FOXN4: variants seen among roughly 807,000 people sequenced by gnomAD.
The protein encoded by FOXN4 is forkhead box N4.
FOXN4 carries 12 observed loss-of-function variants against 45.0 expected under a neutral mutation model. The ratio of observed to expected loss-of-function variants is 0.27; its 90% CI spans 0.17 to 0.43. FOXN4 has a LOEUF of 0.43. Among genes scored for constraint, FOXN4 ranks in the 20% least tolerant of loss-of-function variants. FOXN4 has a pLI of 1.00. For synonymous variants in FOXN4, 297 were observed against 295.0 expected, an observed-to-expected ratio of 1.01 and a Z score of -0.07; for missense variants, 560 against 694.9, an observed-to-expected ratio of 0.81 and a Z score of 2.18.
At position 109,287,004 on chromosome 12, in the gene FOXN4, C is replaced by T; in HGVS notation, c.597-260G>A. 1.1e-6 allele frequency: 1 copy of T among 916,678 alleles called. No individual in the cohort carries two copies. Among genetic ancestry groups the T allele is most frequent in the Non-Finnish European group, 1.6e-6 (1 of 644,350 alleles). 56.8% of individuals were successfully genotyped at this position (916,678 alleles called of 1,614,324 possible). Reference sequence around the variant, plus strand: ...CCCTTTCCCCTCTTTATTGCATCCCCATAATTTTAATGGCTATGAGCCTTC... The same window carrying T: ...CCCTTTCCCCTCTTTATTGCATCCCTATAATTTTAATGGCTATGAGCCTTC... On this transcript the variant is annotated intron_variant, in intron 6 of 9. Transcript: ENST00000299162. The surrounding 1 kb of genome is among the most constrained non-coding windows in gnomAD (Gnocchi z 4.1).
At chr12:109,304,302 GA>G (rs2047901803) in intron 2 of FOXN4, among the ~76,000 whole-genome samples, 1 of 146,924 alleles carries the variant, frequency 6.8e-6, no homozygotes, top group Non-Finnish European at 1.5e-5. Context: ...AAAGGAGAAA[GA>G]AAGAAGGAAA....
chr12:109,284,554 C>A (rs936047528), intron 8 of FOXN4, among the ~76,000 whole-genome samples: 1 of 146,450 alleles, frequency 6.8e-6, no homozygotes, highest in African/African-American at 2.5e-5. Flanking sequence ...CTTGTGTGTG[C>A]GCACGTGTGT....
In FOXN4 at chr12:109,290,684, T is replaced by C. The variant is rs904321382; in HGVS notation, c.87-398A>G. ...AGGCACAGTTGGAGCTCACCTACTA[T>C]GGGACACTACAGCACAGAGCACTCA... On this transcript the variant is annotated intron_variant, in intron 2 of 9. Coordinates refer to ENST00000299162, the MANE Select transcript of FOXN4 (RefSeq NM_213596.3). The surrounding 1 kb of genome is among the most constrained non-coding windows in gnomAD (Gnocchi z 5.1). Among the ~76,000 whole-genome samples the C allele has an allele frequency of 1.3e-5, 2 of 152,174 alleles. No homozygotes were observed. Among genetic ancestry groups the C allele is most frequent in the Admixed American group, 1.3e-4 (2 of 15,276 alleles).
At chr12:109,285,053 G>A (rs530368214) in intron 8 of FOXN4, among the ~76,000 whole-genome samples, 41 of 149,210 alleles carry the variant, frequency 2.7e-4, no homozygotes, top group South Asian at 1.5e-3. Context: ...GTGTGTGTGC[G>A]CGCATGTGTG....
Sources: gnomAD v4.1 joint callset for allele counts (sites outside exome capture counted in the v4.1 genomes callset) on GRCh38, gnomAD v4.1.1 for gene constraint, Gnocchi (gnomAD v3.1) non-coding constraint, MANE v1.5 for transcripts, NCBI Gene and HGNC (gene_info 2026-07-23, HGNC 2026-07-21) for gene names.